The following C12orf56 variants were observed in gnomAD, a reference collection of about 807,000 sequenced individuals.
C12orf56 encodes the protein uncharacterized protein C12orf56.
A neutral mutation model predicts 69.9 loss-of-function variants in C12orf56; 71 were observed. That is an observed-to-expected ratio of 1.02 (90% CI 0.84 to 1.24). The LOEUF is 1.24. Ranked by LOEUF, C12orf56 falls within the 50% of genes most tolerant of loss-of-function variation. The pLI is 0.00. For missense variants in C12orf56, 732 were observed against 738.5 expected, an observed-to-expected ratio of 0.99 and a Z score of 0.10; for synonymous variants, 276 against 274.1, an observed-to-expected ratio of 1.01 and a Z score of -0.07.
chr12:64,312,820 G>A (rs2038637952), intron 4 of C12orf56, 68 bp from the exon 5 acceptor site: 13 of 1,148,578 alleles, frequency 1.1e-5, no homozygotes, highest in Non-Finnish European at 1.6e-5. Flanking sequence ...CCTACCTTTA[G>A]TCAATGTTAT....
intron 3 of C12orf56, among the ~76,000 whole-genome samples, chr12:64,325,332 T>C (rs2038823753): frequency 6.7e-6 from 1 of 148,528 alleles, no homozygotes; most frequent in South Asian, 2.2e-4. Flanking sequence ...CCACTGTACT[T>C]GGCCCAGGCA....
chr12:64,312,591 A>G, intron 5 of C12orf56, 88 bp downstream of exon 5: 1 of 972,272 alleles, frequency 1.0e-6, no homozygotes, highest in Non-Finnish European at 1.6e-6. Flanking sequence ...CCTGGGAAAC[A>G]GAGTGAGACT....
In C12orf56 at chr12:64,366,890, A is replaced by T. The variant is rs1381693565; in HGVS notation, c.253-13834T>A. ...AACATACAGTTTATATATATTATAT[A>T]ACATACAGTTTATATATTATATATA... On this transcript the variant is annotated intron_variant, in intron 1 of 12. Transcript: ENST00000543942. Among the ~76,000 whole-genome samples, 7 of 129,314 alleles carry T rather than the reference A, an allele frequency of 5.4e-5. 1 individual carries two copies. Among genetic ancestry groups the T allele is most frequent in the African/African-American group, 2.1e-4 (7 of 33,766 alleles). 84.8% of individuals were successfully genotyped at this position (129,314 alleles called of 152,430 possible). A position where few individuals can be genotyped will look rare whatever the true frequency, so the allele number is the denominator to read the frequency against.
chr12:64,373,601 T>C (rs1008033869), intron 1 of C12orf56, among the ~76,000 whole-genome samples: 1 of 152,226 alleles, frequency 6.6e-6, no homozygotes, highest in East Asian at 1.9e-4. Flanking sequence ...TCCATGGTCC[T>C]TTCAGGACCC....
At chr12:64,314,425 C>T (rs1278896292) in intron 4 of C12orf56, among the ~76,000 whole-genome samples, 1 of 152,048 alleles carries the variant, frequency 6.6e-6, no homozygotes, top group Non-Finnish European at 1.5e-5. Context: ...ATTTAGTATT[C>T]CATAGCATAG....
chr12:64,283,601 A>G (rs1056069049), intron 8 of C12orf56, among the ~76,000 whole-genome samples: 2 of 151,408 alleles, frequency 1.3e-5, no homozygotes, highest in African/African-American at 2.4e-5. Context: ...GAAGTGTTAC[A>G]TGCCTTGCTT....
chr12:64,329,854 A>G (rs932694595), intron 3 of C12orf56, among the ~76,000 whole-genome samples: 30 of 151,570 alleles, frequency 2.0e-4, no homozygotes, highest in African/African-American at 7.3e-4. Context: ...AAGGACATGA[A>G]CTCATCATTT....
chr12:64,345,010 C>G (rs755663991), intron 2 of C12orf56, among the ~76,000 whole-genome samples: 4 of 152,178 alleles, frequency 2.6e-5, no homozygotes, highest in Non-Finnish European at 5.9e-5. Context: ...TCAGCCTGAT[C>G]CAACTCTATG....
chr12:64,283,943 G>T (rs1221591567), intron 8 of C12orf56, among the ~76,000 whole-genome samples: 1 of 149,446 alleles, frequency 6.7e-6, no homozygotes, highest in Non-Finnish European at 1.5e-5. Context: ...GGTTGCCCAG[G>T]CTAGAGTGCA....
chr12:64,381,488 G>A (rs929728921), intron 1 of C12orf56, among the ~76,000 whole-genome samples: 2 of 152,120 alleles, frequency 1.3e-5, no homozygotes, highest in Non-Finnish European at 2.9e-5. Flanking sequence ...TGTTTGTTTT[G>A]GGAAAGGGCT....
At chr12:64,286,190 A>G (rs2038199533) in intron 6 of C12orf56, 130 bp from the exon 7 acceptor site, 2 of 630,688 alleles carry the variant, frequency 3.2e-6, no homozygotes, top group Admixed American at 3.2e-5. Flanking sequence ...AATATCTCCC[A>G]CTGATACTAG....
chr12:64,329,691 A>T (rs1440480338), intron 3 of C12orf56, among the ~76,000 whole-genome samples: 1 of 90,726 alleles, frequency 1.1e-5, no homozygotes, highest in African/African-American at 4.4e-5. Flanking sequence ...CCCACCCCAC[A>T]ACAGTCCCCA....
At chr12:64,290,869 G>T (rs199554158) in intron 6 of C12orf56, among the ~76,000 whole-genome samples, 52 of 18,994 alleles carry the variant, frequency 2.7e-3, no homozygotes, top group Non-Finnish European at 5.3e-3. Flanking sequence ...TATTAGGTCC[G>T]CTTGGTGCAG....
At chr12:64,380,103 GCAAAAAAAA>G (rs2039693957) in intron 1 of C12orf56, among the ~76,000 whole-genome samples, 1 of 19,742 alleles carries the variant, frequency 5.1e-5, no homozygotes, top group Non-Finnish European at 7.5e-5. Flanking sequence ...AGACTCCGTC[GCAAAAAAAA>G]AAAAAAAAAA....
intron 1 of C12orf56, among the ~76,000 whole-genome samples, chr12:64,385,544 G>T (rs972184417): frequency 2.6e-5 from 4 of 152,146 alleles, no homozygotes; most frequent in Non-Finnish European, 5.9e-5. Context: ...CAGTGCTTGA[G>T]ATATTTTGCA....
At chr12:64,351,286 C>T (rs2039218646) in intron 2 of C12orf56, among the ~76,000 whole-genome samples, 1 of 152,188 alleles carries the variant, frequency 6.6e-6, no homozygotes, top group Admixed American at 6.5e-5. Flanking sequence ...TCCACAGTTA[C>T]ACCTTAGCAA....
chr12:64,298,615 C>T (rs2038401404), intron 6 of C12orf56, among the ~76,000 whole-genome samples: 1 of 152,176 alleles, frequency 6.6e-6, no homozygotes, highest in South Asian at 2.1e-4. Flanking sequence ...CCAGTTTTCC[C>T]AGCACCATTT....
At chr12:64,346,341 A>T (rs759454045) in intron 2 of C12orf56, among the ~76,000 whole-genome samples, 43 of 152,234 alleles carry the variant, frequency 2.8e-4, no homozygotes, top group Non-Finnish European at 4.6e-4. Context: ...CCTGCTTTAT[A>T]TTCTAACCTC....
At chr12:64,348,928 T>C (rs1223761317) in intron 2 of C12orf56, among the ~76,000 whole-genome samples, 1 of 152,246 alleles carries the variant, frequency 6.6e-6, no homozygotes, top group Non-Finnish European at 1.5e-5. Flanking sequence ...AGAGCTGAAT[T>C]GTCCACAAAT....
Sources: gnomAD v4.1 joint callset for allele counts (sites outside exome capture counted in the v4.1 genomes callset) on GRCh38, gnomAD v4.1.1 for gene constraint, MANE v1.5 for transcripts, NCBI Gene and HGNC (gene_info 2026-07-23, HGNC 2026-07-21) for gene names.